Variants in C6orf136 observed in about 807,000 individuals in gnomAD.
C6orf136 encodes chromosome 6 open reading frame 136.
C6orf136 carries 29 observed loss-of-function variants against 44.0 expected under a neutral mutation model. That is an observed-to-expected ratio of 0.66 (90% confidence interval 0.49 to 0.90). The LOEUF (loss-of-function observed/expected upper bound fraction) is 0.90, where lower values mean the gene tolerates loss of function less well. Among genes scored for constraint, C6orf136 ranks in the 40% least tolerant of loss-of-function variants. C6orf136 has a pLI of 0.00. For missense variants in C6orf136, 628 were observed against 669.3 expected (o/e 0.94, Z 0.68); for synonymous variants, 293 against 278.6 (o/e 1.05, Z -0.52).
Position 30,649,798 on chromosome 6 carries a change from G to C in C6orf136, c.856G>C (p.Asp286His). ...ACCTGAGTTGCATAGCGGCTGCCTGGATGGGCTTAGAAGCCTTTTTGAGGG... is the reference window on the plus strand; with the variant it reads ...ACCTGAGTTGCATAGCGGCTGCCTGCATGGGCTTAGAAGCCTTTTTGAGGG... ...PGPELHSGCL[D>H]GLRSLFEGPP... The change falls in exon 2 of 6, where the codon GAT becomes CAT. Residue 286 changes from aspartate to histidine, a missense_variant. Transcript: ENST00000651131. The C allele has an allele frequency of 4.3e-6, 7 of 1,614,106 alleles. No homozygotes were observed. The highest frequency in any genetic ancestry group is 4.2e-6 in the Non-Finnish European group (5 of 1,180,002).
At chr6:30,649,416 G>C in intron 1 of C6orf136, 142 bp from the exon 2 acceptor site, 1 of 694,416 alleles carries the variant, frequency 1.4e-6, no homozygotes, top group Middle Eastern at 3.2e-4. Context: ...AGATGGAGAT[G>C]AATCCATCCC....
intron 3 of C6orf136, 53 bp from the exon 4 acceptor site, chr6:30,651,213 T>C: frequency 6.2e-7 from 1 of 1,602,408 alleles, no homozygotes; most frequent in Non-Finnish European, 8.6e-7. Flanking sequence ...AGAAGCCAGT[T>C]TGGTTTTCTA....
rs769732524 is a variant in C6orf136 at position 30,649,653 on chromosome 6, G to GC, written c.716dup (p.Arg240ThrfsTer40). 6.2e-7 allele frequency: 1 copy of GC among 1,605,694 alleles called. No homozygotes were observed. Among genetic ancestry groups the GC allele is most frequent in the Non-Finnish European group, 8.5e-7 (1 of 1,177,406 alleles). ...CTTCTCCTCTATTCTGGTCTCCCCT[G>GC]CCCCCACGCCTTCCCACCCAGCGTC... On this transcript the variant is annotated frameshift_variant, in exon 2 of 6. Coordinates refer to ENST00000651131, the MANE Select transcript of C6orf136 (RefSeq NM_001161376.2). LOFTEE classifies it high-confidence loss of function.
chr6:30,652,239 TCACACACACACACACACACACACACA>T (rs5875269), intron 4 of C6orf136, among the ~76,000 whole-genome samples: 6 of 142,606 alleles, frequency 4.2e-5, no homozygotes, highest in East Asian at 2.1e-4. Context: ...TGAAACCCTG[TCACACACACACACACACACACACACA>T]CACACACACA....
At chr6:30,650,648 TGGTG>T (rs1242612884) in intron 2 of C6orf136, among the ~76,000 whole-genome samples, 2 of 151,984 alleles carry the variant, frequency 1.3e-5, no homozygotes, top group East Asian at 3.9e-4. Context: ...CTGGGCATGG[TGGTG>T]GGTGCCTGTA....
In C6orf136 at chr6:30,647,564, C is replaced by A. The variant is rs1393405265; in HGVS notation, c.333C>A (p.Arg111=). ...GGGGTCAAGGCCAGGCAGCGGGGCGCGTCTGCGTTGCGCCCGACTCTCCGC... is the reference window on the plus strand; with the variant it reads ...GGGGTCAAGGCCAGGCAGCGGGGCGAGTCTGCGTTGCGCCCGACTCTCCGC... ...VRRGQGQAAG[R]VCVAPDSPRL... is the part of the protein sequence containing the mutation. The change falls in exon 1 of 6, where the codon CGC becomes CGA. Residue 111 remains arginine, a synonymous_variant. Transcript: ENST00000651131. The surrounding 1 kb of genome is among the most constrained non-coding windows in gnomAD (Gnocchi z 4.8). The A allele has an allele frequency of 4.2e-5, 64 of 1,533,696 alleles. No individual in the cohort carries two copies. The highest frequency in any genetic ancestry group is 5.4e-5 in the Non-Finnish European group (61 of 1,134,164).
intron 1 of C6orf136, among the ~76,000 whole-genome samples, chr6:30,648,460 A>G (rs964617655): frequency 6.9e-6 from 1 of 144,802 alleles, no homozygotes; most frequent in Non-Finnish European, 1.5e-5. Context: ...GTGCATTGGC[A>G]CCATCTCGGC....
At position 30,649,817 on chromosome 6, in the gene C6orf136, T is replaced by C; in HGVS notation, c.875T>C (p.Phe292Ser). The C allele has an allele frequency of 6.2e-7, 1 of 1,614,064 alleles. No individual in the cohort carries two copies. Among genetic ancestry groups the C allele is most frequent in the South Asian group, 1.1e-5 (1 of 91,078 alleles). Residue 292 changes from phenylalanine to serine, a missense_variant, in exon 2 of 6, where the codon TTT (phenylalanine) becomes TCT (serine). Phe to Ser is a radical substitution (Grantham distance 155). Transcript: ENST00000651131. ...TGCCTGGATGGGCTTAGAAGCCTTT[T>C]TGAGGGACCTCCCTGCCCCTATCCT... Reference protein sequence around the residue: ...SGCLDGLRSLFEGPPCPYPGA... With the variant: ...SGCLDGLRSLSEGPPCPYPGA...
In C6orf136 at chr6:30,652,665, C is replaced by T. The variant is rs1427480944; in HGVS notation, c.1325C>T (p.Ser442Phe). ...TTCCCCAGGACCTATGATGCCTACT[C>T]CACTTTCTACCTGAATTCCAGTGGC... Reference protein sequence around the residue: ...DEHYRTYDAYSTFYLNSSGLI... With the variant: ...DEHYRTYDAYFTFYLNSSGLI... Residue 442 changes from serine to phenylalanine, a missense_variant, in exon 5 of 6, where the codon TCC becomes TTC. Coordinates refer to ENST00000651131, the MANE Select transcript of C6orf136 (RefSeq NM_001161376.2). The T allele has an allele frequency of 3.1e-6, 5 of 1,613,086 alleles. No homozygotes were observed. Among genetic ancestry groups the T allele is most frequent in the African/African-American group, 1.3e-5 (1 of 75,044 alleles).
At position 30,653,019 on chromosome 6, in the gene C6orf136, C is replaced by G; in HGVS notation, c.*104C>G. The G allele has an allele frequency of 8.4e-7, 1 of 1,183,608 alleles. No homozygotes were observed. Among genetic ancestry groups the G allele is most frequent in the Non-Finnish European group, 1.2e-6 (1 of 820,160 alleles). 73.3% of individuals were successfully genotyped at this position (1,183,608 alleles called of 1,614,324 possible). On this transcript the variant is annotated 3_prime_UTR_variant, in exon 6 of 6. Coordinates refer to ENST00000651131, the MANE Select transcript of C6orf136 (RefSeq NM_001161376.2). Reference sequence around the variant, plus strand: ...GAGCCAGCTTCCTCTCCTCGTTTCTCTCCTTCCTTCCTTTCCATCTCATGC... The same window carrying G: ...GAGCCAGCTTCCTCTCCTCGTTTCTGTCCTTCCTTCCTTTCCATCTCATGC...
In C6orf136 at chr6:30,647,212, T is replaced by C; in HGVS notation, c.-20T>C. On this transcript the variant is annotated 5_prime_UTR_variant, in exon 1 of 6. Coordinates refer to ENST00000651131, the MANE Select transcript of C6orf136 (RefSeq NM_001161376.2). The surrounding 1 kb of genome is among the most constrained non-coding windows in gnomAD (Gnocchi z 4.8). ...CCGGAGGTCGGACTCAGGAGGCTCC[T>C]TCTCCACTCCCGGAAGATCATGTAC... The C allele has an allele frequency of 1.3e-6, 2 of 1,562,584 alleles. No individual in the cohort carries two copies. Among genetic ancestry groups the C allele is most frequent in the Non-Finnish European group, 1.7e-6 (2 of 1,160,646 alleles).
At chr6:30,650,788 TG>T (rs1321162646) in intron 2 of C6orf136, among the ~76,000 whole-genome samples, 1 of 147,008 alleles carries the variant, frequency 6.8e-6, no homozygotes, top group African/African-American at 2.6e-5. Context: ...ATCTCAAGCC[TG>T]TAATCCCAGC....
Position 30,653,174 on chromosome 6 carries a change from T to TTTAA in C6orf136, c.*261_*264dup. The TTTAA allele has an allele frequency of 6.6e-7, 1 of 1,523,312 alleles. No homozygotes were observed. The highest frequency in any genetic ancestry group is 8.8e-7 in the Non-Finnish European group (1 of 1,132,564). The allele number at this position is 1,523,312 out of a possible 1,614,324, so 94.4% of individuals were successfully genotyped here. A position where few individuals can be genotyped will look rare whatever the true frequency, so the allele number is the denominator to read the frequency against. On this transcript the variant is annotated 3_prime_UTR_variant, in exon 6 of 6. Coordinates refer to ENST00000651131, the MANE Select transcript of C6orf136 (RefSeq NM_001161376.2). ...AAGCTTTATTCCAAAAATAATTTTA[T>TTTAA]TTAATAGGTATTAAATAATGTATAG...
At chr6:30,651,221 C>T (rs771419771) in intron 3 of C6orf136, 45 bp from the exon 4 acceptor site, 4 of 1,610,116 alleles carry the variant, frequency 2.5e-6, no homozygotes, top group Non-Finnish European at 3.4e-6. Context: ...GTTTGGTTTT[C>T]TAATTCTGCC....
At chr6:30,652,741 G>A in intron 5 of C6orf136, 24 bp downstream of exon 5, 2 of 1,612,682 alleles carry the variant, frequency 1.2e-6, no homozygotes, top group Admixed American at 1.7e-5. Context: ...AGGGCTGGGT[G>A]GGGTAAAGGG....
At position 30,649,601 on chromosome 6, in the gene C6orf136, C is replaced by T; in HGVS notation, c.659C>T (p.Pro220Leu). ...PGTLPFPPLW[P>L]HSTTTTSPSS... ...ACTCTACCATTCCCACCCCTTTGGC[C>T]CCACTCCACGACAACCACTTCCCCA... The change falls in exon 2 of 6, where the codon CCC (proline) becomes CTC (leucine). Residue 220 changes from proline (P) to leucine (L), a missense_variant. Pro to Leu is a moderately conservative substitution (Grantham distance 98, BLOSUM62 -3). Transcript: ENST00000651131. 1 of 1,595,462 alleles carries T rather than the reference C, an allele frequency of 6.3e-7. No individual in the cohort carries two copies. Among genetic ancestry groups the T allele is most frequent in the Admixed American group, 1.9e-5 (1 of 52,804 alleles).
chr6:30,649,062 G>T (rs1767161869), intron 1 of C6orf136, among the ~76,000 whole-genome samples: 1 of 150,046 alleles, frequency 6.7e-6, no homozygotes, highest in Non-Finnish European at 1.5e-5. Context: ...CGGTATTTAT[G>T]TCACATAAAA....
rs563563696 is a variant in C6orf136 at position 30,647,567 on chromosome 6, C to G, written c.336C>G (p.Val112=). The change falls in exon 1 of 6, where the codon GTC becomes GTG. Residue 112 remains valine (V), a synonymous_variant. Transcript: ENST00000651131. This position sits in a 1 kb window ranked among gnomAD's most constrained non-coding sequence, Gnocchi z 4.8. ...RRGQGQAAGR[V]CVAPDSPRLP... Reference sequence around the variant, plus strand: ...GTCAAGGCCAGGCAGCGGGGCGCGTCTGCGTTGCGCCCGACTCTCCGCGGT... The same window carrying G: ...GTCAAGGCCAGGCAGCGGGGCGCGTGTGCGTTGCGCCCGACTCTCCGCGGT... The G allele has an allele frequency of 2.2e-5, 34 of 1,534,574 alleles. 1 individual carries two copies. In the South Asian group the frequency reaches 3.6e-4, roughly 16 times the overall value.
In C6orf136 at chr6:30,652,729, G is replaced by A; in HGVS notation, c.1377+12G>A. On this transcript the variant is annotated intron_variant, in intron 5 of 5. Transcript: ENST00000651131. ...ATCGTCTAGATAAAGTGAGTCCTAGGTAGGGCTGGGTGGGGTAAAGGGTAG... is the reference window on the plus strand; with the variant it reads ...ATCGTCTAGATAAAGTGAGTCCTAGATAGGGCTGGGTGGGGTAAAGGGTAG... 1 of 1,612,936 alleles carries A rather than the reference G, an allele frequency of 6.2e-7. No individual in the cohort carries two copies. The highest frequency in any genetic ancestry group is 8.5e-7 in the Non-Finnish European group (1 of 1,179,932).
Sources: allele counts gnomAD v4.1 joint callset (sites outside exome capture counted in the v4.1 genomes callset), GRCh38; gene constraint gnomAD v4.1.1; non-coding constraint Gnocchi (gnomAD v3.1); transcripts MANE v1.5; gene names NCBI Gene and HGNC (gene_info 2026-07-23, HGNC 2026-07-21).